PDE4D: variants seen among roughly 807,000 people sequenced by gnomAD.
PDE4D encodes the protein 3',5'-cyclic-AMP phosphodiesterase 4D.
In PDE4D, 24 loss-of-function variants were observed where a neutral mutation model predicts 87.4. That is an observed-to-expected ratio of 0.27 (90% confidence interval 0.20 to 0.39). The LOEUF (loss-of-function observed/expected upper bound fraction) is 0.39, where lower values mean the gene tolerates loss of function less well. Ranked by LOEUF, PDE4D falls within the 10% of genes least tolerant of loss-of-function variation. The pLI, the probability that PDE4D is intolerant of heterozygous loss-of-function variation, is 1.00. For missense variants in PDE4D, 714 were observed against 1,041.0 expected (o/e 0.69, Z 4.32); for synonymous variants, 384 against 383.2 (o/e 1.00, Z -0.02).
chr5:59,146,509 A>G (rs774373772), intron 5 of PDE4D, among the ~76,000 whole-genome samples: 61 of 152,328 alleles, frequency 4.0e-4, no homozygotes, highest in Middle Eastern at 3.4e-3. Context: ...GCCACTGAAG[A>G]GAGCCAGTTG....
intron 1 of PDE4D, chr5:59,276,125 A>C: frequency 2.0e-6 from 1 of 512,378 alleles, no homozygotes; most frequent in African/African-American, 3.3e-5. Context: ...GAGAAAGGAA[A>C]AAAAAAAAAA....
At chr5:59,149,708 T>TTTTTG (rs1266763123) in intron 5 of PDE4D, among the ~76,000 whole-genome samples, 5 of 57,312 alleles carry the variant, frequency 8.7e-5, no homozygotes, top group South Asian at 5.0e-4. Context: ...CTCCTCGAGT[T>TTTTTG]TTTTTTTTTT....
chr5:59,841,110 G>A (rs1296066298), intron 1 of PDE4D, among the ~76,000 whole-genome samples: 1 of 152,030 alleles, frequency 6.6e-6, no homozygotes, highest in Non-Finnish European at 1.5e-5. Flanking sequence ...TCTTGCACTT[G>A]GGGTGGCCAC....
chr5:59,227,197 A>T, intron 1 of PDE4D, among the ~76,000 whole-genome samples: 1 of 152,190 alleles, frequency 6.6e-6, no homozygotes, highest in East Asian at 1.9e-4. Context: ...TCATCAAGCT[A>T]AAGTCCAAAG....
chr5:60,412,592 A>G (rs1189641751), intron 1 of PDE4D, among the ~76,000 whole-genome samples: 1 of 152,210 alleles, frequency 6.6e-6, no homozygotes, highest in Non-Finnish European at 1.5e-5. Context: ...GTGTATTCAC[A>G]TAGATACTTA....
At chr5:60,285,115 G>A (rs1752297056) in intron 1 of PDE4D, among the ~76,000 whole-genome samples, 1 of 151,844 alleles carries the variant, frequency 6.6e-6, no homozygotes, top group Non-Finnish European at 1.5e-5. Context: ...AATTTTTTTA[G>A]CAAATTTACT....
chr5:59,488,155 T>C (rs1805485378), intron 1 of PDE4D, among the ~76,000 whole-genome samples: 1 of 116,120 alleles, frequency 8.6e-6, no homozygotes, highest in Non-Finnish European at 1.7e-5. Context: ...TCTTCTGACA[T>C]CATCAAGAGC....
At chr5:60,460,244 T>C in intron 1 of PDE4D, 1 of 1,227,130 alleles carries the variant, frequency 8.1e-7, no homozygotes, top group Non-Finnish European at 1.2e-6. Flanking sequence ...TCAGTGGACT[T>C]TGAAGATGGA....
At chr5:59,657,636 A>G (rs1202200567) in intron 1 of PDE4D, among the ~76,000 whole-genome samples, 1 of 152,194 alleles carries the variant, frequency 6.6e-6, no homozygotes, top group Admixed American at 6.5e-5. Context: ...CAATCTATAT[A>G]CTTTAACTCA....
intron 1 of PDE4D, among the ~76,000 whole-genome samples, chr5:60,364,750 A>G (rs1760376245): frequency 6.6e-6 from 1 of 152,224 alleles, no homozygotes; most frequent in South Asian, 2.1e-4. Flanking sequence ...TGGCATTTCT[A>G]TCAAGAAGTT....
intron 5 of PDE4D, among the ~76,000 whole-genome samples, chr5:59,108,389 C>T (rs930555220): frequency 6.6e-6 from 1 of 152,110 alleles, no homozygotes; most frequent in Non-Finnish European, 1.5e-5. Context: ...CCCTGAATCA[C>T]CTCTTCTATT....
chr5:59,911,634 A>C lies in PDE4D; in HGVS notation c.272+76854T>G, dbSNP rs75695098. Among the ~76,000 whole-genome samples, 1,026 of 152,260 alleles carry C rather than the reference A, an allele frequency of 6.7e-3. 18 individuals carry two copies. Among genetic ancestry groups the C allele is most frequent in the African/African-American group, 0.023 (962 of 41,556 alleles). On this transcript the variant is annotated intron_variant, in intron 3 of 16. Transcript: ENST00000502484. Reference sequence around the variant, plus strand: ...CTCTGTCTGGGCAGGAGGCAAAATGAACCCACTGGGCAGTTACAGGAGCAT... The same window carrying C: ...CTCTGTCTGGGCAGGAGGCAAAATGCACCCACTGGGCAGTTACAGGAGCAT...
intron 2 of PDE4D, among the ~76,000 whole-genome samples, chr5:60,113,601 C>A (rs1284944136): frequency 2.0e-5 from 3 of 152,018 alleles, no homozygotes; most frequent in Non-Finnish European, 4.4e-5. Context: ...GGTTACAGAC[C>A]CCCTGAGTCT....
chr5:59,050,736 C>A (rs556093895), intron 5 of PDE4D, among the ~76,000 whole-genome samples: 1 of 152,208 alleles, frequency 6.6e-6, no homozygotes, highest in Admixed American at 6.5e-5. Context: ...CCAGCCTTGC[C>A]ATTGTTCTAG....
intron 1 of PDE4D, among the ~76,000 whole-genome samples, chr5:59,660,079 C>T (rs1285274785): frequency 2.6e-5 from 4 of 151,848 alleles, no homozygotes; most frequent in African/African-American, 4.8e-5. Flanking sequence ...CAGCTACTCA[C>T]GAGGCTAAGG....
At chr5:59,876,378 A>G (rs1748609063) in intron 1 of PDE4D, among the ~76,000 whole-genome samples, 1 of 152,134 alleles carries the variant, frequency 6.6e-6, no homozygotes, top group South Asian at 2.1e-4. Flanking sequence ...TTCACTAGCA[A>G]ACTCTTCAGC....
At chr5:59,712,592 T>A (rs1754371205) in intron 1 of PDE4D, among the ~76,000 whole-genome samples, 2 of 150,170 alleles carry the variant, frequency 1.3e-5, no homozygotes, top group Non-Finnish European at 3.0e-5. Flanking sequence ...CCAAAAAATG[T>A]GCTGATACAG....
chr5:59,145,177 G>A (rs528576943), intron 5 of PDE4D, among the ~76,000 whole-genome samples: 5 of 152,206 alleles, frequency 3.3e-5, no homozygotes, highest in Non-Finnish European at 7.4e-5. Context: ...TTTAATATTT[G>A]TAATGATCCA....
At chr5:59,746,729 G>A (rs1308345964) in intron 1 of PDE4D, among the ~76,000 whole-genome samples, 5 of 151,668 alleles carry the variant, frequency 3.3e-5, no homozygotes, top group Admixed American at 3.3e-4. Context: ...TGACTTTCCT[G>A]CACCATCTTG....
Sources: allele counts gnomAD v4.1 joint callset (sites outside exome capture counted in the v4.1 genomes callset), GRCh38; gene constraint gnomAD v4.1.1; transcripts MANE v1.5; gene names NCBI Gene and HGNC (gene_info 2026-07-23, HGNC 2026-07-21).